Variants in APBA2 observed in about 807,000 individuals in gnomAD.
APBA2 encodes amyloid beta precursor protein binding family A member 2, also known as amyloid-beta A4 precursor protein-binding family A member 2.
Under a neutral mutation model 75.0 loss-of-function variants are expected in APBA2, and 30 were observed. That is an observed-to-expected ratio of 0.40 (90% CI 0.30 to 0.54). The LOEUF is 0.54. Ranked by LOEUF, APBA2 falls within the 20% of genes least tolerant of loss-of-function variation. The pLI is 0.49. For synonymous variants in APBA2, 444 were observed against 409.6 expected (o/e 1.08, Z -1.01); for missense variants, 801 against 1,016.1 (o/e 0.79, Z 2.88).
chr15:29,092,286 G>T (rs1209029838), intron 6 of APBA2, among the ~76,000 whole-genome samples: 4 of 152,182 alleles, frequency 2.6e-5, no homozygotes, highest in African/African-American at 7.2e-5. Flanking sequence ...TCTGGCATAG[G>T]AGCCACTCAA....
intron 2 of APBA2, among the ~76,000 whole-genome samples, chr15:28,934,107 T>G (rs2034715328): frequency 6.7e-6 from 1 of 148,576 alleles, no homozygotes; most frequent in African/African-American, 2.5e-5. Flanking sequence ...GAGACGGGGG[T>G]GGAGGAGAGC....
Position 29,106,654 on chromosome 15 carries a change from G to A in APBA2, c.1752G>A (p.Val584=). 2 of 1,613,144 alleles carry A rather than the reference G, an allele frequency of 1.2e-6. No individual in the cohort carries two copies. The highest frequency in any genetic ancestry group is 8.5e-7 in the Non-Finnish European group (1 of 1,180,018). Reference sequence around the variant, plus strand: ...GCGAGATCCTGGGCGTGGTGGTGGTGGAGTCGGGCTGGGGCTCCATCCTGC... The same window carrying A: ...GCGAGATCCTGGGCGTGGTGGTGGTAGAGTCGGGCTGGGGCTCCATCCTGC... The part of the protein sequence containing the change: ...HKGEILGVVV[V]ESGWGSILPT... Residue 584 remains valine (V), a synonymous_variant, in exon 12 of 15, where the codon GTG becomes GTA. Coordinates refer to ENST00000683413, the MANE Select transcript of APBA2 (RefSeq NM_001353788.2).
intron 3 of APBA2, among the ~76,000 whole-genome samples, chr15:29,050,241 T>C (rs1452815282): frequency 1.3e-5 from 2 of 152,176 alleles, no homozygotes; most frequent in Non-Finnish European, 2.9e-5. Flanking sequence ...TAGCAAATTA[T>C]TGTGAAAAGG....
At chr15:29,036,749 G>T (rs186403144) in intron 3 of APBA2, among the ~76,000 whole-genome samples, 1 of 152,322 alleles carries the variant, frequency 6.6e-6, no homozygotes, top group East Asian at 1.9e-4. Context: ...ACCAGGCATG[G>T]TGGTTCATGC....
intron 3 of APBA2, among the ~76,000 whole-genome samples, chr15:29,030,557 A>G (rs1050951236): frequency 4.6e-5 from 7 of 152,186 alleles, no homozygotes; most frequent in Non-Finnish European, 1.5e-5. Flanking sequence ...ATTGAGGGGT[A>G]CATTCAGAAT....
chr15:29,085,524 CA>C (rs777850421), intron 6 of APBA2, among the ~76,000 whole-genome samples: 3,133 of 57,158 alleles, frequency 0.055, 64 homozygotes, highest in African/African-American at 0.14. Flanking sequence ...GACTCCATCT[CA>C]AAAAAAAAAA....
At chr15:28,960,500 A>C (rs941926098) in intron 2 of APBA2, among the ~76,000 whole-genome samples, 1 of 151,842 alleles carries the variant, frequency 6.6e-6, no homozygotes, top group South Asian at 2.1e-4. Context: ...TCTCATAATC[A>C]TAATCATATG....
intron 2 of APBA2, among the ~76,000 whole-genome samples, chr15:28,979,838 G>A (rs1343711712): frequency 1.3e-5 from 2 of 152,224 alleles, no homozygotes; most frequent in Non-Finnish European, 2.9e-5. Context: ...AGACAGTGGA[G>A]TTAAGAGATG....
At position 28,922,333 on chromosome 15, in the gene APBA2, G is replaced by A. The variant is rs111596389; in HGVS notation, c.-95+584G>A. Among the ~76,000 whole-genome samples the A allele has an allele frequency of 5.7e-3, 870 of 152,296 alleles. 13 individuals carry two copies. Among genetic ancestry groups the A allele is most frequent in the African/African-American group, 0.02 (836 of 41,566 alleles). On this transcript the variant is annotated intron_variant, in intron 2 of 14. Coordinates refer to ENST00000683413, the MANE Select transcript of APBA2 (RefSeq NM_001353788.2). Reference sequence around the variant, plus strand: ...TCCCAGGCACCACCAGTGTGGGCAGGGCCCTCCCCAGGGGCAGCAGCAGGG... The same window carrying A: ...TCCCAGGCACCACCAGTGTGGGCAGAGCCCTCCCCAGGGGCAGCAGCAGGG...
chr15:28,982,120 C>T (rs964287991), intron 2 of APBA2, among the ~76,000 whole-genome samples: 4 of 152,150 alleles, frequency 2.6e-5, no homozygotes, highest in Admixed American at 1.3e-4. Flanking sequence ...ACCCAGGTAA[C>T]AAACCTGCAC....
intron 1 of APBA2, among the ~76,000 whole-genome samples, chr15:28,904,749 C>G (rs1039790741): frequency 6.6e-6 from 1 of 152,226 alleles, no homozygotes; most frequent in Non-Finnish European, 1.5e-5. Context: ...AGCACGCAGA[C>G]TCCCTGTGAC....
intron 2 of APBA2, among the ~76,000 whole-genome samples, chr15:28,951,178 G>A (rs1404220574): frequency 6.6e-6 from 1 of 152,036 alleles, no homozygotes; most frequent in Non-Finnish European, 1.5e-5. Flanking sequence ...ATTGTACTAG[G>A]TATTATAAAT....
intron 3 of APBA2, among the ~76,000 whole-genome samples, chr15:29,028,490 A>G (rs1375863523): frequency 2.0e-5 from 3 of 152,214 alleles, no homozygotes; most frequent in Non-Finnish European, 4.4e-5. Flanking sequence ...TCTTTGTAAC[A>G]GAATGATTTA....
chr15:28,954,518 T>C (rs1017332972), intron 2 of APBA2, among the ~76,000 whole-genome samples: 4 of 152,194 alleles, frequency 2.6e-5, no homozygotes, highest in African/African-American at 9.6e-5. Context: ...CCCACATCCC[T>C]GAGCTGGTAA....
chr15:29,057,139 TA>T (rs897671469), intron 4 of APBA2, among the ~76,000 whole-genome samples: 16 of 149,336 alleles, frequency 1.1e-4, no homozygotes, highest in African/African-American at 2.4e-4. Flanking sequence ...GAGGCTGCAG[TA>T]AAAAAAAAAT....
intron 1 of APBA2, among the ~76,000 whole-genome samples, chr15:28,886,717 C>T (rs917057255): frequency 6.6e-6 from 1 of 152,188 alleles, no homozygotes; most frequent in African/African-American, 2.4e-5. Flanking sequence ...TCTGGGTTCG[C>T]TGCCCCCAGA....
chr15:28,960,828 C>T (rs943281720), intron 2 of APBA2, among the ~76,000 whole-genome samples: 25 of 148,428 alleles, frequency 1.7e-4, no homozygotes, highest in African/African-American at 5.2e-4. Flanking sequence ...GGTGTGATCT[C>T]GGCTCGCCGC....
Position 29,054,938 on chromosome 15 carries a change from T to C in APBA2, c.951+103T>C. ...GCTGAAGCGAGGCGGTGGGGGGTGC[T>C]GGGTGCCTCACAGTTCTAATGGTGG... is the stretch of plus-strand genomic sequence containing the variant. On this transcript the variant is annotated intron_variant, in intron 4 of 14. Transcript: ENST00000683413. This position sits in a 1 kb window ranked among gnomAD's most constrained non-coding sequence, Gnocchi z 6.1. The C allele has an allele frequency of 3.5e-6, 4 of 1,145,460 alleles. No individual in the cohort carries two copies. The highest frequency in any genetic ancestry group is 2.6e-5 in the South Asian group (2 of 75,838). 71.0% of individuals were successfully genotyped at this position (1,145,460 alleles called of 1,614,324 possible). A position where few individuals can be genotyped will look rare whatever the true frequency, so the allele number is the denominator to read the frequency against.
At chr15:29,015,676 G>A (rs922570334) in intron 3 of APBA2, among the ~76,000 whole-genome samples, 2 of 152,212 alleles carry the variant, frequency 1.3e-5, no homozygotes, top group African/African-American at 4.8e-5. Context: ...TTGCTCATAT[G>A]CTAATAGGAT....
Sources: allele counts gnomAD v4.1 joint callset (sites outside exome capture counted in the v4.1 genomes callset), GRCh38; gene constraint gnomAD v4.1.1; non-coding constraint Gnocchi (gnomAD v3.1); transcripts MANE v1.5; gene names NCBI Gene and HGNC (gene_info 2026-07-23, HGNC 2026-07-21).